The following UBN1 variants were observed in gnomAD, a reference collection of about 807,000 sequenced individuals.
The protein encoded by UBN1 is ubinuclein-1.
In UBN1, 17 loss-of-function variants were observed where a neutral mutation model predicts 108.5. The ratio of observed to expected loss-of-function variants is 0.16; its 90% confidence interval spans 0.11 to 0.24. The LOEUF (loss-of-function observed/expected upper bound fraction) is 0.24, where lower values mean the gene tolerates loss of function less well. Ranked by LOEUF, UBN1 falls within the 10% of genes least tolerant of loss-of-function variation. UBN1 has a pLI of 1.00. For missense variants in UBN1, 1,595 were observed against 1,394.4 expected, an observed-to-expected ratio of 1.14 and a Z score of -2.29; for synonymous variants, 726 against 564.2, an observed-to-expected ratio of 1.29 and a Z score of -4.07.
intron 14 of UBN1, 67 bp downstream of exon 14, chr16:4,873,140 G>A: frequency 6.2e-7 from 1 of 1,600,678 alleles, no homozygotes; most frequent in African/African-American, 1.3e-5. Context: ...TCTGGAAACA[G>A]TCAAGTGACT....
chr16:4,877,551 C>CA lies in UBN1; in HGVS notation c.3355+79dup. On this transcript the variant is annotated intron_variant, in intron 17 of 17. Coordinates refer to ENST00000262376, the MANE Select transcript of UBN1 (RefSeq NM_001079514.3). The surrounding 1 kb of genome is among the most constrained non-coding windows in gnomAD (Gnocchi z 4.3). Reference sequence around the variant, plus strand: ...CCACCCCTAGGTGCTTTGCCGCTGCCAAGGGTCTTGGTGTCTTTGCCTTGA... The same window carrying CA: ...CCACCCCTAGGTGCTTTGCCGCTGCCAAAGGGTCTTGGTGTCTTTGCCTTGA... The CA allele has an allele frequency of 6.7e-7, 1 of 1,497,732 alleles. No homozygotes were observed. Among genetic ancestry groups the CA allele is most frequent in the South Asian group, 1.3e-5 (1 of 76,014 alleles). The allele number at this position is 1,497,732 out of a possible 1,614,324, so 92.8% of individuals were successfully genotyped here.
intron 8 of UBN1, 120 bp from the exon 9 acceptor site, chr16:4,870,092 A>G: frequency 6.9e-7 from 1 of 1,451,442 alleles, no homozygotes; most frequent in Non-Finnish European, 9.4e-7. Flanking sequence ...ACATTGTGTG[A>G]CCAACAAGAC....
In UBN1 at chr16:4,858,032, A is replaced by G. The variant is rs1329469578; in HGVS notation, c.292A>G (p.Arg98Gly). 3 of 1,613,456 alleles carry G rather than the reference A, an allele frequency of 1.9e-6. No homozygotes were observed. The highest frequency in any genetic ancestry group is 2.5e-6 in the Non-Finnish European group (3 of 1,179,878). Residue 98 changes from arginine (R) to glycine (G), a missense_variant, in exon 3 of 18, where the codon AGG becomes GGG. Around this residue, in one of 3 missense-constraint regions of UBN1, gnomAD observed 181 missense variants for 157.3 expected, o/e 1.15. Transcript: ENST00000262376. The stretch of plus-strand genomic sequence containing the variant: ...TCCTTTCAATGACGAAGAAAAGGAA[A>G]GGCATAAAGTAGAGGCCCTTGCCCG... The part of the protein sequence containing the change: ...SDPFNDEEKE[R>G]HKVEALARKF...
chr16:4,863,130 C>T (rs1262199267), intron 7 of UBN1, among the ~76,000 whole-genome samples: 2 of 152,190 alleles, frequency 1.3e-5, no homozygotes, highest in Non-Finnish European at 2.9e-5. Context: ...ATATTCTTTT[C>T]TAGCCTCTGT....
rs746334782 is a variant in UBN1, at chr16:4,876,900, C to T, written c.3054C>T (p.Ala1018=). The part of the protein sequence containing the change: ...SKGASGTVLL[A]GSSLMASPYK... The stretch of plus-strand genomic sequence containing the variant: ...GAGCGAGTGGGACTGTGCTGCTGGC[C>T]GGCTCCTCTTTGATGGCTTCACCCT... Residue 1018 remains alanine (A), a synonymous_variant, in exon 16 of 18, where the codon GCC becomes GCT. Coordinates refer to ENST00000262376, the MANE Select transcript of UBN1 (RefSeq NM_001079514.3). 1.1e-5 allele frequency: 17 copies of T among 1,611,780 alleles called. No individual in the cohort carries two copies. The highest frequency in any genetic ancestry group is 1.6e-4 in the Middle Eastern group (1 of 6,072).
chr16:4,874,494 T>C lies in UBN1; in HGVS notation c.2084T>C (p.Leu695Pro), dbSNP rs1467995147. ...SRAAGNSEFT[L>P]PAPSKAPAEK... is the part of the protein sequence containing the mutation. ...GCAGCTGGGAACTCTGAATTCACAC[T>C]GCCTGCACCCTCAAAAGCACCTGCA... is the stretch of plus-strand genomic sequence containing the variant. Residue 695 changes from leucine (L) to proline (P), a missense_variant, in exon 15 of 18, where the codon CTG (leucine) becomes CCG (proline). Coordinates refer to ENST00000262376, the MANE Select transcript of UBN1 (RefSeq NM_001079514.3). The C allele has an allele frequency of 1.9e-6, 3 of 1,614,262 alleles. No individual in the cohort carries two copies. In the South Asian group the frequency reaches 3.3e-5, roughly 18 times the overall value.
chr16:4,855,580 C>T (rs1293690073), intron 2 of UBN1, among the ~76,000 whole-genome samples: 2 of 145,480 alleles, frequency 1.4e-5, no homozygotes, highest in Non-Finnish European at 3.0e-5. Flanking sequence ...CACACCACCG[C>T]ACTGGGTGAA....
At position 4,858,061 on chromosome 16, in the gene UBN1, A is replaced by G. The variant is rs375481700; in HGVS notation, c.321A>G (p.Lys107=). ...ERHKVEALAR[K]FEEKYGGKKR... ...ATAAAGTAGAGGCCCTTGCCCGAAA[A>G]TTTGAAGAAAAATACGTAAGATTTC... Residue 107 remains lysine, a synonymous_variant, in exon 3 of 18, where the codon AAA becomes AAG. Coordinates refer to ENST00000262376, the MANE Select transcript of UBN1 (RefSeq NM_001079514.3). 6.8e-6 allele frequency: 11 copies of G among 1,612,138 alleles called. No individual in the cohort carries two copies. In the African/African-American group the frequency reaches 1.3e-4, roughly 20 times the overall value.
intron 17 of UBN1, among the ~76,000 whole-genome samples, chr16:4,878,503 C>T (rs561734534): frequency 6.6e-6 from 1 of 152,156 alleles, no homozygotes; most frequent in African/African-American, 2.4e-5. Context: ...TGGGGCAAGA[C>T]TAAATCTGTA....
intron 7 of UBN1, among the ~76,000 whole-genome samples, chr16:4,868,438 C>G (rs900241424): frequency 6.6e-6 from 1 of 152,126 alleles, no homozygotes; most frequent in Admixed American, 6.5e-5. Context: ...CCTTTAAATC[C>G]TATAGACTGG....
rs540205834 is a variant in UBN1, at chr16:4,876,052, G to A, written c.3024+618G>A. On this transcript the variant is annotated intron_variant, in intron 15 of 17. Transcript: ENST00000262376. ...CGGCTCAGCGCAAGCTCCACCTCCC[G>A]GGTTCACGCCATTCTCCTGCCTCAG... is the stretch of plus-strand genomic sequence containing the variant. Among the ~76,000 whole-genome samples, 6 of 150,648 alleles carry A rather than the reference G, an allele frequency of 4.0e-5. No individual in the cohort carries two copies. The South Asian group carries it at 8.4e-4, about 21-fold the overall frequency.
At chr16:4,867,752 G>C (rs2087406938) in intron 7 of UBN1, among the ~76,000 whole-genome samples, 1 of 152,160 alleles carries the variant, frequency 6.6e-6, no homozygotes, top group African/African-American at 2.4e-5. Flanking sequence ...GATGCAGTGA[G>C]AGGAAGGTGA....
intron 1 of UBN1, among the ~76,000 whole-genome samples, chr16:4,849,967 C>A (rs60135719): frequency 0.39 from 45,858 of 116,560 alleles, 9,736 homozygotes; most frequent in African/African-American, 0.56. Flanking sequence ...AAAAAAAAAA[C>A]CACAAAAAAA....
chr16:4,860,604 C>G, intron 6 of UBN1, 60 bp from the exon 7 acceptor site: 3 of 1,524,382 alleles, frequency 2.0e-6, no homozygotes, highest in African/African-American at 1.4e-5. Flanking sequence ...GTGAAGGCCT[C>G]TGGAGTTCCC....
At chr16:4,860,356 C>T (rs911893028) in intron 6 of UBN1, among the ~76,000 whole-genome samples, 2 of 152,244 alleles carry the variant, frequency 1.3e-5, no homozygotes, top group Admixed American at 6.5e-5. Context: ...CCTGCTTTCT[C>T]CCTCTAAATA....
At position 4,874,834 on chromosome 16, in the gene UBN1, T is replaced by C. The variant is rs769679305; in HGVS notation, c.2424T>C (p.His808=). Residue 808 remains histidine (H), a synonymous_variant, in exon 15 of 18, where the codon CAT becomes CAC. Coordinates refer to ENST00000262376, the MANE Select transcript of UBN1 (RefSeq NM_001079514.3). The part of the protein sequence containing the change: ...PVPGPQVKVF[H]AGTQQQKNFT... ...CTGGCCCCCAGGTCAAAGTCTTTCATGCCGGCACTCAGCAGCAGAAAAACT... is the reference window on the plus strand; with the variant it reads ...CTGGCCCCCAGGTCAAAGTCTTTCACGCCGGCACTCAGCAGCAGAAAAACT... 2 of 1,614,140 alleles carry C rather than the reference T, an allele frequency of 1.2e-6. No individual in the cohort carries two copies.
In UBN1 at chr16:4,874,636, G is replaced by A. The variant is rs747483987; in HGVS notation, c.2226G>A (p.Gln742=). 6.2e-7 allele frequency: 1 copy of A among 1,614,218 alleles called. No homozygotes were observed. Among genetic ancestry groups the A allele is most frequent in the East Asian group, 2.2e-5 (1 of 44,892 alleles). ...LQSPLNFLAE[Q]ALALGQSSQE... ...CACCCCTCAATTTTCTGGCAGAACAGGCTCTGGCACTGGGGCAGTCCTCTC... is the reference window on the plus strand; with the variant it reads ...CACCCCTCAATTTTCTGGCAGAACAAGCTCTGGCACTGGGGCAGTCCTCTC... The change falls in exon 15 of 18, where the codon CAG becomes CAA. Residue 742 remains glutamine (Q), a synonymous_variant. Coordinates refer to ENST00000262376, the MANE Select transcript of UBN1 (RefSeq NM_001079514.3).
At chr16:4,856,765 C>G (rs7200885) in intron 2 of UBN1, among the ~76,000 whole-genome samples, 11,307 of 152,232 alleles carry the variant, frequency 0.074, 421 homozygotes, top group Non-Finnish European at 0.085. Flanking sequence ...CATAACCACT[C>G]AAGTTATATG....
intron 7 of UBN1, among the ~76,000 whole-genome samples, chr16:4,868,039 G>C (rs2087423578): frequency 6.6e-6 from 1 of 152,164 alleles, no homozygotes; most frequent in Non-Finnish European, 1.5e-5. Flanking sequence ...CTCCTTTCCA[G>C]AGACTGTGAT....
Sources: allele counts gnomAD v4.1 joint callset (sites outside exome capture counted in the v4.1 genomes callset), GRCh38; gene constraint gnomAD v4.1.1; regional missense constraint gnomAD v4.1.1; non-coding constraint Gnocchi (gnomAD v3.1); transcripts MANE v1.5; gene names NCBI Gene and HGNC (gene_info 2026-07-23, HGNC 2026-07-21).